Variants in EXTL3 observed in about 807,000 individuals in gnomAD.
EXTL3 encodes exostosin-like 3.
A neutral mutation model predicts 69.3 loss-of-function variants in EXTL3; 27 were observed. The observed-to-expected ratio is 0.39, with a 90% confidence interval of 0.29 to 0.54. EXTL3 has a LOEUF of 0.54. Among genes scored for constraint, EXTL3 ranks in the 20% least tolerant of loss-of-function variants. The pLI is 0.69. For synonymous variants in EXTL3, 511 were observed against 499.4 expected (o/e 1.02, Z -0.31); for missense variants, 1,003 against 1,231.8 (o/e 0.81, Z 2.78).
At chr8:28,615,678 C>T (rs1163076962) in intron 2 of EXTL3, among the ~76,000 whole-genome samples, 1 of 152,132 alleles carries the variant, frequency 6.6e-6, no homozygotes, top group Non-Finnish European at 1.5e-5. Context: ...AGAAATTCTT[C>T]TGCCTCAGCC....
chr8:28,737,779 C>G (rs369264034), intron 5 of EXTL3, 116 bp downstream of exon 5: 1 of 1,207,554 alleles, frequency 8.3e-7, no homozygotes, highest in East Asian at 2.3e-5. Context: ...TTCTTTTGTG[C>G]TAGAAGTCAG....
chr8:28,650,095 G>A (rs1038416420), intron 1 of EXTL3, among the ~76,000 whole-genome samples: 6 of 150,942 alleles, frequency 4.0e-5, no homozygotes, highest in Admixed American at 4.0e-4. Context: ...ACTCTGGAGG[G>A]TGAGGCAGGA....
chr8:28,753,546 A>T lies in EXTL3; in HGVS notation c.*2680A>T, dbSNP rs951198057. 1.7e-4 allele frequency: 26 copies of T among 152,834 alleles called. No homozygotes were observed. The highest frequency in any genetic ancestry group is 5.1e-4 in the African/African-American group (21 of 41,464). 9.5% of individuals were successfully genotyped at this position (152,834 alleles called of 1,614,324 possible). On this transcript the variant is annotated 3_prime_UTR_variant, in exon 7 of 7. Transcript: ENST00000220562. ...GATCTTTCTGGGAGCTGCGCCGGAC[A>T]GAGTGGGGAGCTCCTAGTTTGTGGG...
chr8:28,696,749 G>A (rs240938), upstream of EXTL3: 35,055 of 151,996 alleles, frequency 0.23, 4,369 homozygotes, highest in Middle Eastern at 0.33. Context: ...TAGTAGAGAC[G>A]GGGTTTCACC....
At chr8:28,628,991 A>G (rs961950266) in intron 1 of EXTL3, among the ~76,000 whole-genome samples, 7 of 152,152 alleles carry the variant, frequency 4.6e-5, no homozygotes, top group African/African-American at 1.7e-4. Flanking sequence ...TGGAGGAAAA[A>G]TCACAGAATG....
In EXTL3 at chr8:28,718,040, G is replaced by T; in HGVS notation, c.1981G>T (p.Glu661Ter). 6.2e-7 allele frequency: 1 copy of T among 1,614,120 alleles called. No individual in the cohort carries two copies. The highest frequency in any genetic ancestry group is 8.5e-7 in the Non-Finnish European group (1 of 1,180,032). ...AGCGCTTGGAGGCAATGTTCCCCGA[G>T]AGCAGTTCACGGTGGTGATGTTGAC... The part of the protein sequence containing the change: ...QAALGGNVPR[E>*]QFTVVMLTYE... Residue 661 changes from glutamate (E) to a stop codon, truncating the protein, a stop_gained, in exon 3 of 7, where the codon GAG becomes TAG. Coordinates refer to ENST00000220562, the MANE Select transcript of EXTL3 (RefSeq NM_001440.4). LOFTEE classifies it high-confidence loss of function.
At chr8:28,686,583 T>C (rs566601588) in intron 1 of EXTL3, among the ~76,000 whole-genome samples, 6 of 152,266 alleles carry the variant, frequency 3.9e-5, no homozygotes, top group African/African-American at 1.2e-4. Flanking sequence ...AGCTGGAACT[T>C]ACCACTTATG....
chr8:28,750,212 A>G lies in EXTL3; in HGVS notation c.2551-445A>G, dbSNP rs147973725. Among the ~76,000 whole-genome samples the G allele has an allele frequency of 1.3e-5, 2 of 152,212 alleles. No individual in the cohort carries two copies. Among genetic ancestry groups the G allele is most frequent in the Admixed American group, 6.5e-5 (1 of 15,298 alleles). On this transcript the variant is annotated intron_variant, in intron 6 of 6. Coordinates refer to ENST00000220562, the MANE Select transcript of EXTL3 (RefSeq NM_001440.4). This position sits in a 1 kb window ranked among gnomAD's most constrained non-coding sequence, Gnocchi z 5.2. ...TTAAATGTAGTTAAGCATCTTTTTT[A>G]TGGACAGTATTCAAGAATGATAGCC...
At chr8:28,728,249 G>A (rs1380524659) in intron 3 of EXTL3, among the ~76,000 whole-genome samples, 1 of 152,214 alleles carries the variant, frequency 6.6e-6, no homozygotes, top group African/African-American at 2.4e-5. Flanking sequence ...TGCTGAGCTT[G>A]CCATTCAAGT....
chr8:28,645,566 A>G (rs1217427116), intron 1 of EXTL3, among the ~76,000 whole-genome samples: 1 of 152,234 alleles, frequency 6.6e-6, no homozygotes, highest in Non-Finnish European at 1.5e-5. Flanking sequence ...CGAAGAATGT[A>G]TGCTGGTAAT....
chr8:28,688,253 C>CG (rs1480293727), intron 1 of EXTL3, among the ~76,000 whole-genome samples: 2 of 151,812 alleles, frequency 1.3e-5, no homozygotes, highest in African/African-American at 2.4e-5. Flanking sequence ...TTAGTAGAGA[C>CG]GGGGTTTCAC....
upstream of EXTL3, among the ~76,000 whole-genome samples, chr8:28,617,981 T>C (rs543752585): frequency 1.3e-5 from 2 of 152,090 alleles, no homozygotes; most frequent in East Asian, 3.9e-4. Context: ...CTCACTGGGG[T>C]CTAAGGGGAG....
At chr8:28,687,326 TGCAGCG>T (rs1807593265) in intron 1 of EXTL3, among the ~76,000 whole-genome samples, 1 of 152,064 alleles carries the variant, frequency 6.6e-6, no homozygotes, top group Non-Finnish European at 1.5e-5. Context: ...ATTAGCCAGG[TGCAGCG>T]GCATGCGCCT....
intron 1 of EXTL3, among the ~76,000 whole-genome samples, chr8:28,659,791 G>A (rs985079801): frequency 6.6e-6 from 1 of 152,144 alleles, no homozygotes; most frequent in Admixed American, 6.5e-5. Context: ...TGACATCATT[G>A]CAGTTTCGTT....
Position 28,717,805 on chromosome 8 carries a change from G to T in EXTL3, c.1746G>T (p.Pro582=), listed in dbSNP as rs1426115254. The T allele has an allele frequency of 6.2e-7, 1 of 1,612,296 alleles. No individual in the cohort carries two copies. Among genetic ancestry groups the T allele is most frequent in the Non-Finnish European group, 8.5e-7 (1 of 1,178,564 alleles). ...DLDLGPVETE[P]PYASPRYLRN... ...ACCTGGGGCCAGTGGAGACGGAGCC[G>T]CCCTACGCCTCACCCAGATACCTCC... Residue 582 remains proline (P), a synonymous_variant, in exon 3 of 7, where the codon CCG becomes CCT. Coordinates refer to ENST00000220562, the MANE Select transcript of EXTL3 (RefSeq NM_001440.4). The surrounding 1 kb of genome is among the most constrained non-coding windows in gnomAD (Gnocchi z 8.3).
intron 3 of EXTL3, among the ~76,000 whole-genome samples, chr8:28,724,419 C>T (rs1801365637): frequency 6.6e-6 from 1 of 152,094 alleles, no homozygotes; most frequent in Admixed American, 6.5e-5. Context: ...TCTTCCTTTG[C>T]GTTTTCTTGC....
At chr8:28,698,536 A>G (rs1800720200), upstream of EXTL3, 1 of 152,238 alleles carries the variant, frequency 6.6e-6, no homozygotes, top group African/African-American at 2.4e-5. Flanking sequence ...GCAATTAAGT[A>G]TCAGAAAGTA....
At chr8:28,722,777 A>T (rs1801324238) in intron 3 of EXTL3, among the ~76,000 whole-genome samples, 1 of 146,570 alleles carries the variant, frequency 6.8e-6, no homozygotes, top group African/African-American at 2.5e-5. Context: ...CTGTCTCTAA[A>T]AAAAAAAAAA....
chr8:28,664,639 T>C (rs1426437973), intron 1 of EXTL3, among the ~76,000 whole-genome samples: 1 of 152,032 alleles, frequency 6.6e-6, no homozygotes, highest in Non-Finnish European at 1.5e-5. Flanking sequence ...GAATCCAGAG[T>C]TCAAGATATT....
Sources: allele counts gnomAD v4.1 joint callset (sites outside exome capture counted in the v4.1 genomes callset), GRCh38; gene constraint gnomAD v4.1.1; non-coding constraint Gnocchi (gnomAD v3.1); transcripts MANE v1.5; gene names NCBI Gene and HGNC (gene_info 2026-07-23, HGNC 2026-07-21).